CDH19: variants seen among roughly 807,000 people sequenced by gnomAD.
CDH19 encodes the protein cadherin-19.
In CDH19, 67 loss-of-function variants were observed where a neutral mutation model predicts 64.2. The ratio of observed to expected loss-of-function variants is 1.04; its 90% CI spans 0.86 to 1.28. CDH19 has a LOEUF of 1.28. Among genes scored for constraint, CDH19 ranks in the 50% most tolerant of loss-of-function variants. CDH19 has a pLI of 0.00. For synonymous variants in CDH19, 346 were observed against 319.3 expected (o/e 1.08, Z -0.89); for missense variants, 1,030 against 929.0 (o/e 1.11, Z -1.41).
intron 7 of CDH19, among the ~76,000 whole-genome samples, chr18:66,540,630 G>T (rs1368725507): frequency 6.6e-6 from 1 of 152,068 alleles, no homozygotes; most frequent in Non-Finnish European, 1.5e-5. Context: ...GCTTGAGAGA[G>T]CTATCTGGGT....
chr18:66,506,452 A>C (rs1041127157), intron 11 of CDH19, among the ~76,000 whole-genome samples: 1 of 152,000 alleles, frequency 6.6e-6, no homozygotes, highest in East Asian at 1.9e-4. Flanking sequence ...TGTATCAATT[A>C]TAAATACAAT....
intron 3 of CDH19, among the ~76,000 whole-genome samples, chr18:66,564,504 A>G (rs931882484): frequency 3.3e-5 from 5 of 151,988 alleles, no homozygotes; most frequent in Non-Finnish European, 7.4e-5. Context: ...GGTGGAGGAT[A>G]TTTATTTGGA....
At chr18:66,584,228 C>T (rs948148522) in intron 1 of CDH19, among the ~76,000 whole-genome samples, 3 of 151,958 alleles carry the variant, frequency 2.0e-5, no homozygotes, top group Non-Finnish European at 2.9e-5. Flanking sequence ...ATACACTTGG[C>T]CAACAAGCAC....
At position 66,504,896 on chromosome 18, in the gene CDH19, T is replaced by C. The variant is rs776337913; in HGVS notation, c.2235A>G (p.Glu745=). 6.2e-7 allele frequency: 1 copy of C among 1,613,438 alleles called. No homozygotes were observed. Among genetic ancestry groups the C allele is most frequent in the South Asian group, 1.1e-5 (1 of 91,062 alleles). Reference sequence around the variant, plus strand: ...CCAACTCATTAAGGTAATCATAGCTTTCATCCTGATCAGAGACTGCTGATT... The same window carrying C: ...CCAACTCATTAAGGTAATCATAGCTCTCATCCTGATCAGAGACTGCTGATT... ...SLESAVSDQD[E]SYDYLNELGP... is the part of the protein sequence containing the mutation. Residue 745 remains glutamate, a synonymous_variant, in exon 12 of 12, where the codon GAA becomes GAG. Transcript: ENST00000262150.
At chr18:66,600,107 CT>C (rs1599049896) in intron 1 of CDH19, among the ~76,000 whole-genome samples, 2 of 151,652 alleles carry the variant, frequency 1.3e-5, no homozygotes, top group Admixed American at 1.3e-4. Context: ...TCTTTTAGTA[CT>C]TAAATGTAAC....
In CDH19 at chr18:66,518,286, T is replaced by C. The variant is rs148537794; in HGVS notation, c.1459-6601A>G. Among the ~76,000 whole-genome samples, 45 of 152,230 alleles carry C rather than the reference T, an allele frequency of 3.0e-4. No individual in the cohort carries two copies. The East Asian group carries it at 8.5e-3, about 29-fold the overall frequency. On this transcript the variant is annotated intron_variant, in intron 9 of 11. Transcript: ENST00000262150. ...TTCACTCTTGTCACTCAGGCTTGAG[T>C]GCAACGGTGCGATCTCGGCTCACTA...
chr18:66,505,958 C>T (rs1275383500), intron 11 of CDH19, among the ~76,000 whole-genome samples: 1 of 151,898 alleles, frequency 6.6e-6, no homozygotes, highest in Non-Finnish European at 1.5e-5. Flanking sequence ...TAGAAAGACA[C>T]AGCTAGTTGA....
intron 9 of CDH19, among the ~76,000 whole-genome samples, chr18:66,523,642 G>A (rs745847319): frequency 4.0e-5 from 6 of 151,436 alleles, no homozygotes; most frequent in Admixed American, 1.3e-4. Flanking sequence ...TCTCAAGGCG[G>A]TTGTCATGAG....
chr18:66,564,672 A>G (rs1987841364), intron 3 of CDH19, among the ~76,000 whole-genome samples: 1 of 151,924 alleles, frequency 6.6e-6, no homozygotes, highest in Non-Finnish European at 1.5e-5. Context: ...GTCTATTAAC[A>G]CTAATGATCA....
chr18:66,566,574 A>G (rs1987919545), intron 3 of CDH19, among the ~76,000 whole-genome samples: 1 of 151,838 alleles, frequency 6.6e-6, no homozygotes, highest in Non-Finnish European at 1.5e-5. Flanking sequence ...AATAGTCTTC[A>G]GTGTGCTGTA....
At chr18:66,533,996 T>A (rs1488588783) in intron 8 of CDH19, among the ~76,000 whole-genome samples, 2 of 151,980 alleles carry the variant, frequency 1.3e-5, no homozygotes, top group Non-Finnish European at 2.9e-5. Context: ...TAAAATGGGC[T>A]TAATGATGTA....
chr18:66,588,118 G>T (rs759805070), intron 1 of CDH19, among the ~76,000 whole-genome samples: 5 of 152,088 alleles, frequency 3.3e-5, no homozygotes, highest in Non-Finnish European at 5.9e-5. Flanking sequence ...GGGATTATCT[G>T]GATCCTCCAG....
At chr18:66,517,765 A>T (rs940073815) in intron 9 of CDH19, among the ~76,000 whole-genome samples, 2 of 152,058 alleles carry the variant, frequency 1.3e-5, no homozygotes, top group African/African-American at 4.8e-5. Flanking sequence ...ATATGTATAA[A>T]ATATTTAATA....
chr18:66,578,883 ACAAATT>A (rs1988342427), intron 1 of CDH19, among the ~76,000 whole-genome samples: 1 of 151,966 alleles, frequency 6.6e-6, no homozygotes. Context: ...AAGCCTGCCA[ACAAATT>A]CAGGTTGTGT....
chr18:66,587,800 G>A (rs557189525), intron 1 of CDH19, among the ~76,000 whole-genome samples: 1 of 152,218 alleles, frequency 6.6e-6, no homozygotes, highest in African/African-American at 2.4e-5. Context: ...GTAGGAGGTT[G>A]CTGAGAAATG....
At position 66,597,748 on chromosome 18, in the gene CDH19, A is replaced by G. The variant is rs1206875194; in HGVS notation, c.-113+6206T>C. ...AGGTACTTAAACAAATCAGCAAGCAAAAAACAAACAACCCCATTTAAACAT... is the reference window on the plus strand; with the variant it reads ...AGGTACTTAAACAAATCAGCAAGCAGAAAACAAACAACCCCATTTAAACAT... On this transcript the variant is annotated intron_variant, in intron 1 of 11. Transcript: ENST00000262150. Among the ~76,000 whole-genome samples, 4 of 152,250 alleles carry G rather than the reference A, an allele frequency of 2.6e-5. No homozygotes were observed. The East Asian group carries it at 7.7e-4, about 29-fold the overall frequency.
chr18:66,567,472 T>TTTGTAAATA (rs1987951367), intron 3 of CDH19, among the ~76,000 whole-genome samples: 1 of 151,854 alleles, frequency 6.6e-6, no homozygotes, highest in South Asian at 2.1e-4. Flanking sequence ...TCTTGATATA[T>TTTGTAAATA]ATTACACAGG....
intron 9 of CDH19, among the ~76,000 whole-genome samples, chr18:66,523,304 G>A (rs928440826): frequency 1.3e-5 from 2 of 152,110 alleles, no homozygotes; most frequent in African/African-American, 4.8e-5. Flanking sequence ...TAATATCAGA[G>A]CAATCATAAA....
At chr18:66,539,160 T>A (rs936729172) in intron 7 of CDH19, among the ~76,000 whole-genome samples, 2 of 152,162 alleles carry the variant, frequency 1.3e-5, no homozygotes, top group African/African-American at 4.8e-5. Flanking sequence ...AACTCACATA[T>A]TACTGGGCAT....
Sources: allele counts gnomAD v4.1 joint callset (sites outside exome capture counted in the v4.1 genomes callset), GRCh38; gene constraint gnomAD v4.1.1; transcripts MANE v1.5; gene names NCBI Gene and HGNC (gene_info 2026-07-23, HGNC 2026-07-21).